SHH: variants seen among roughly 807,000 people sequenced by gnomAD.
The protein encoded by SHH is sonic hedgehog protein.
A neutral mutation model predicts 16.6 loss-of-function variants in SHH; 3 were observed. The observed-to-expected ratio is 0.18, with a 90% CI of 0.08 to 0.47. The LOEUF (loss-of-function observed/expected upper bound fraction) is 0.47, where lower values mean the gene tolerates loss of function less well. Ranked by LOEUF, SHH falls within the 20% of genes least tolerant of loss-of-function variation. The probability of loss-of-function intolerance (pLI) is 0.98; values close to 1 mark genes in which losing one functional copy is unlikely to be tolerated. For synonymous variants in SHH, 351 were observed against 316.2 expected (o/e 1.11, Z -1.17); for missense variants, 499 against 665.0 (o/e 0.75, Z 2.75).
Position 155,803,050 on chromosome 7 carries a change from T to A in SHH, c.1239A>T (p.Val413=), listed in dbSNP as rs1012903760. 2 of 1,453,758 alleles carry A rather than the reference T, an allele frequency of 1.4e-6. No homozygotes were observed. The highest frequency in any genetic ancestry group is 1.8e-6 in the Non-Finnish European group (2 of 1,102,412). The allele number at this position is 1,453,758 out of a possible 1,614,324, so 90.1% of individuals were successfully genotyped here. A position where few individuals can be genotyped will look rare whatever the true frequency, so the allele number is the denominator to read the frequency against. ...CGGCAGCACCTGGAGCGGTTAGGGC[T>A]ACTCTGCCGCCGCCGCCCCCGCGGT... ...GGDRGGGGGR[V]ALTAPGAADA... The change falls in exon 3 of 3, where the codon GTA becomes GTT. Residue 413 remains valine, a synonymous_variant. Transcript: ENST00000297261.
Position 155,806,247 on chromosome 7 carries a change from C to T in SHH, c.562+49G>A, listed in dbSNP as rs758351329. ...TTTTCTCTTGAATCAAGCCGAGGTG[C>T]GCCAATGGCCTTCCTTGGGTCGGAT... is the stretch of plus-strand genomic sequence containing the variant. On this transcript the variant is annotated intron_variant, in intron 2 of 2. Transcript: ENST00000297261. The T allele has an allele frequency of 3.1e-6, 5 of 1,610,544 alleles. No individual in the cohort carries two copies. The South Asian group carries it at 5.5e-5, about 18-fold the overall frequency.
At chr7:155,805,737 G>A (rs1005794364) in intron 2 of SHH, among the ~76,000 whole-genome samples, 1 of 152,190 alleles carries the variant, frequency 6.6e-6, no homozygotes, top group Non-Finnish European at 1.5e-5. Flanking sequence ...CGCAGGCTCC[G>A]GGCGCGCCGC....
chr7:155,802,877 G>T lies in SHH; in HGVS notation c.*23C>A, dbSNP rs1392284670. On this transcript the variant is annotated 3_prime_UTR_variant, in exon 3 of 3. Coordinates refer to ENST00000297261, the MANE Select transcript of SHH (RefSeq NM_000193.4). The stretch of plus-strand genomic sequence containing the variant: ...GCTGCCCCGCCCCGCCCCCTCCCGC[G>T]CCCCTCCCCCGGCCCCCCGGCTTCA... 2.0e-5 allele frequency: 6 copies of T among 297,454 alleles called. No individual in the cohort carries two copies. Among genetic ancestry groups the T allele is most frequent in the Middle Eastern group, 1.1e-3 (1 of 892 alleles). The allele number at this position is 297,454 out of a possible 1,614,324, so 18.4% of individuals were successfully genotyped here.
chr7:155,800,943 G>A lies in SHH; in HGVS notation c.*1957C>T, dbSNP rs113576797. On this transcript the variant is annotated 3_prime_UTR_variant, in exon 3 of 3. Coordinates refer to ENST00000297261, the MANE Select transcript of SHH (RefSeq NM_000193.4). ...CTGGGAGGCCCCAAGCTCATGCAGC[G>A]CAACTCTTCCAAGGCCCAGCCTGCT... is the stretch of plus-strand genomic sequence containing the variant. The A allele has an allele frequency of 5.7e-5, 14 of 243,714 alleles. No individual in the cohort carries two copies. The highest frequency in any genetic ancestry group is 1.6e-3 in the Middle Eastern group (1 of 624). 15.1% of individuals were successfully genotyped at this position (243,714 alleles called of 1,614,324 possible).
In SHH at chr7:155,803,414, C is replaced by T; in HGVS notation, c.875G>A (p.Gly292Glu). ...CCCCAGTGCGCCCCCGGAAGGCGGC[C>T]CCGAGCCCGAGGACGCCTCGGGCTC... ...TGEPEASSGS[G>E]PPSGGALGPR... is the part of the protein sequence containing the mutation. Residue 292 changes from glycine (G) to glutamate (E), a missense_variant, in exon 3 of 3, where the codon GGG (glycine) becomes GAG (glutamate). This residue lies in a region of SHH where 299 missense variants were observed against 301.1 expected (regional missense o/e 0.99). Transcript: ENST00000297261. The T allele has an allele frequency of 1.3e-6, 2 of 1,526,154 alleles. No individual in the cohort carries two copies. The highest frequency in any genetic ancestry group is 1.4e-5 in the African/African-American group (1 of 71,446). The allele number at this position is 1,526,154 out of a possible 1,614,324, so 94.5% of individuals were successfully genotyped here.
At position 155,809,332 on chromosome 7, in the gene SHH, G is replaced by A. The variant is rs534699931; in HGVS notation, c.300+2491C>T. On this transcript the variant is annotated intron_variant, in intron 1 of 2. Coordinates refer to ENST00000297261, the MANE Select transcript of SHH (RefSeq NM_000193.4). The surrounding 1 kb of genome is among the most constrained non-coding windows in gnomAD (Gnocchi z 6.1). Reference sequence around the variant, plus strand: ...GACAGAAGAAGAGGGTCACGCACCTGGGGCAGAGCCTAGGTGGTTATTTAA... The same window carrying A: ...GACAGAAGAAGAGGGTCACGCACCTAGGGCAGAGCCTAGGTGGTTATTTAA... Among the ~76,000 whole-genome samples the A allele has an allele frequency of 1.3e-5, 2 of 152,216 alleles. No individual in the cohort carries two copies. Among genetic ancestry groups the A allele is most frequent in the South Asian group, 4.1e-4 (2 of 4,820 alleles).
Position 155,811,934 on chromosome 7 carries a change from T to C in SHH, c.189A>G (p.Glu63=). 2 of 1,614,146 alleles carry C rather than the reference T, an allele frequency of 1.2e-6. No individual in the cohort carries two copies. The highest frequency in any genetic ancestry group is 1.7e-6 in the Non-Finnish European group (2 of 1,180,022). Residue 63 remains glutamate, a synonymous_variant, in exon 1 of 3, where the codon GAA becomes GAG. Transcript: ENST00000297261. ...GCTCGGAGTTTCTGGAGATCTTCCC[T>C]TCATACCTTCCGCTGGCGCCTAGGG... is the stretch of plus-strand genomic sequence containing the variant. ...EKTLGASGRY[E]GKISRNSERF... is the part of the protein sequence containing the mutation.
Position 155,808,660 on chromosome 7 carries a change from G to A in SHH, c.301-2103C>T, listed in dbSNP as rs1803430560. 3.9e-5 allele frequency among the ~76,000 whole-genome samples: 6 copies of A among 152,322 alleles called. No homozygotes were observed. The South Asian group carries it at 1.2e-3, about 32-fold the overall frequency. The stretch of plus-strand genomic sequence containing the variant: ...GCCCGCGCTGGGCGGGATTGTCGCA[G>A]GCAAAGCCGGGAAGCCCAGGCCGGT... On this transcript the variant is annotated intron_variant, in intron 1 of 2. Transcript: ENST00000297261.
At chr7:155,810,010 C>G (rs1320985779) in intron 1 of SHH, among the ~76,000 whole-genome samples, 1 of 152,012 alleles carries the variant, frequency 6.6e-6, no homozygotes, top group Non-Finnish European at 1.5e-5. Context: ...GACACTACAG[C>G]GAGCCCGGCG....
At position 155,809,654 on chromosome 7, in the gene SHH, T is replaced by G. The variant is rs1803458270; in HGVS notation, c.300+2169A>C. On this transcript the variant is annotated intron_variant, in intron 1 of 2. Transcript: ENST00000297261. The surrounding 1 kb of genome is among the most constrained non-coding windows in gnomAD (Gnocchi z 6.1). ...CCACTTGGGCCGTCCTTCCCCCTCC[T>G]TTTGTGTTGGGAACGGGAATAGCCA... Among the ~76,000 whole-genome samples, 1 of 152,154 alleles carries G rather than the reference T, an allele frequency of 6.6e-6. No individual in the cohort carries two copies. Among genetic ancestry groups the G allele is most frequent in the African/African-American group, 2.4e-5 (1 of 41,458 alleles).
intron 2 of SHH, among the ~76,000 whole-genome samples, chr7:155,805,919 G>T (rs1803349075): frequency 6.6e-6 from 1 of 152,226 alleles, no homozygotes; most frequent in Non-Finnish European, 1.5e-5. Context: ...TGGTTCTTAA[G>T]CCCTAAACGA....
chr7:155,806,202 C>T, intron 2 of SHH, 94 bp downstream of exon 2: 2 of 1,522,906 alleles, frequency 1.3e-6, no homozygotes, highest in Non-Finnish European at 1.8e-6. Context: ...TCCTGGCCCT[C>T]AGCCTCCCCC....
At chr7:155,811,800 A>G in intron 1 of SHH, 23 bp downstream of exon 1, 1 of 1,613,326 alleles carries the variant, frequency 6.2e-7, no homozygotes, top group Middle Eastern at 1.7e-4. Flanking sequence ...CACACATTCC[A>G]CGCCCCGGCG....
At position 155,800,957 on chromosome 7, in the gene SHH, G is replaced by T. The variant is rs573956393; in HGVS notation, c.*1943C>A. 23 of 229,892 alleles carry T rather than the reference G, an allele frequency of 1.0e-4. No individual in the cohort carries two copies. The South Asian group carries it at 1.3e-3, about 13-fold the overall frequency. 14.2% of individuals were successfully genotyped at this position (229,892 alleles called of 1,614,324 possible). On this transcript the variant is annotated 3_prime_UTR_variant, in exon 3 of 3. Transcript: ENST00000297261. ...GCTCATGCAGCGCAACTCTTCCAAGGCCCAGCCTGCTCAGACGATTCGGCC... is the reference window on the plus strand; with the variant it reads ...GCTCATGCAGCGCAACTCTTCCAAGTCCCAGCCTGCTCAGACGATTCGGCC...
At position 155,803,512 on chromosome 7, in the gene SHH, C is replaced by T; in HGVS notation, c.777G>A (p.Glu259=). Residue 259 remains glutamate (E), a synonymous_variant, in exon 3 of 3, where the codon GAG becomes GAA. Coordinates refer to ENST00000297261, the MANE Select transcript of SHH (RefSeq NM_000193.4). The stretch of plus-strand genomic sequence containing the variant: ...CGGTGAGCAGCAGGCGCTCGCGCGG[C>T]TCCCGCGTCTCGATCACGTAGAAGA... ...KKVFYVIETR[E]PRERLLLTAA... 1.3e-6 allele frequency: 2 copies of T among 1,580,534 alleles called. No individual in the cohort carries two copies. The highest frequency in any genetic ancestry group is 1.7e-6 in the Non-Finnish European group (2 of 1,168,608).
Position 155,810,796 on chromosome 7 carries a change from C to T in SHH, c.300+1027G>A, listed in dbSNP as rs144183856. Among the ~76,000 whole-genome samples, 12 of 152,302 alleles carry T rather than the reference C, an allele frequency of 7.9e-5. No individual in the cohort carries two copies. In the East Asian group the frequency reaches 2.1e-3, roughly 27 times the overall value. On this transcript the variant is annotated intron_variant, in intron 1 of 2. Coordinates refer to ENST00000297261, the MANE Select transcript of SHH (RefSeq NM_000193.4). ...CCATCAGCCGCTGTACGCACCTAGC[C>T]CTAAAGGTAGGACTTGAATATTTTA...
Position 155,812,252 on chromosome 7 carries a change from T to C in SHH, c.-130A>G. 2 of 869,298 alleles carry C rather than the reference T, an allele frequency of 2.3e-6. No individual in the cohort carries two copies. Among genetic ancestry groups the C allele is most frequent in the East Asian group, 2.6e-5 (1 of 38,486 alleles). The allele number at this position is 869,298 out of a possible 1,614,324, so 53.8% of individuals were successfully genotyped here. A position where few individuals can be genotyped will look rare whatever the true frequency, so the allele number is the denominator to read the frequency against. On this transcript the variant is annotated 5_prime_UTR_variant, in exon 1 of 3. Coordinates refer to ENST00000297261, the MANE Select transcript of SHH (RefSeq NM_000193.4). ...CTCGCTCCGGCTCGCCCGCTCGCTC[T>C]CTCCCTCGCTGGCTGCCTCGCTCTT...
In SHH at chr7:155,800,894, C is replaced by T. The variant is rs1584794450; in HGVS notation, c.*2006G>A. 2 of 292,472 alleles carry T rather than the reference C, an allele frequency of 6.8e-6. No homozygotes were observed. Among genetic ancestry groups the T allele is most frequent in the African/African-American group, 4.4e-5 (2 of 45,588 alleles). The allele number at this position is 292,472 out of a possible 1,614,324, so 18.1% of individuals were successfully genotyped here. A position where few individuals can be genotyped will look rare whatever the true frequency, so the allele number is the denominator to read the frequency against. On this transcript the variant is annotated 3_prime_UTR_variant, in exon 3 of 3. Coordinates refer to ENST00000297261, the MANE Select transcript of SHH (RefSeq NM_000193.4). ...TCACTCCTGTTCCCTAAGCCTGGAC[C>T]ACCTTCTACACAGGCTGCAGCTGCT...
chr7:155,803,803 G>A, intron 2 of SHH, 77 bp from the exon 3 acceptor site: 2 of 1,313,102 alleles, frequency 1.5e-6, no homozygotes. Flanking sequence ...GGGGAGGAGG[G>A]CGCACGCTTG....
Sources: allele counts gnomAD v4.1 joint callset (sites outside exome capture counted in the v4.1 genomes callset), GRCh38; gene constraint gnomAD v4.1.1; regional missense constraint gnomAD v4.1.1; non-coding constraint Gnocchi (gnomAD v3.1); transcripts MANE v1.5; gene names NCBI Gene and HGNC (gene_info 2026-07-23, HGNC 2026-07-21).